ATG7: variants seen among roughly 807,000 people sequenced by gnomAD.
The protein encoded by ATG7 is ubiquitin-like modifier-activating enzyme ATG7.
A neutral mutation model predicts 82.4 loss-of-function variants in ATG7; 70 were observed. The observed-to-expected ratio is 0.85, with a 90% confidence interval of 0.70 to 1.04. The LOEUF is 1.04. Among genes scored for constraint, ATG7 ranks in the 50% least tolerant of loss-of-function variants. The pLI is 0.00. For missense variants in ATG7, 792 were observed against 864.3 expected, an observed-to-expected ratio of 0.92 and a Z score of 1.05; for synonymous variants, 287 against 313.0, an observed-to-expected ratio of 0.92 and a Z score of 0.88.
At chr3:11,295,811 A>C (rs1575229152) in intron 3 of ATG7, among the ~76,000 whole-genome samples, 1 of 124,298 alleles carries the variant, frequency 8.0e-6, no homozygotes, top group African/African-American at 3.2e-5. Context: ...TTTGAGATGG[A>C]GTTTCGCTCT....
intron 20 of ATG7, among the ~76,000 whole-genome samples, chr3:11,551,540 G>A (rs533118446): frequency 4.6e-5 from 7 of 152,242 alleles, no homozygotes; most frequent in Non-Finnish European, 8.8e-5. Flanking sequence ...CTGTACATCC[G>A]ATGTTAGGTT....
intron 20 of ATG7, among the ~76,000 whole-genome samples, chr3:11,459,892 G>A (rs140592252): frequency 2.5e-3 from 375 of 152,292 alleles, no homozygotes; most frequent in African/African-American, 8.3e-3. Context: ...TATTCTAACC[G>A]TATTAACATA....
the ATG7 span, among the ~76,000 whole-genome samples, chr3:11,563,479 C>T: frequency 6.6e-6 from 1 of 152,238 alleles, no homozygotes; most frequent in Non-Finnish European, 1.5e-5. Flanking sequence ...ACAATCCTCT[C>T]TTCTCATGTC....
chr3:11,312,118 T>C (rs543493516), intron 7 of ATG7, among the ~76,000 whole-genome samples: 42 of 152,070 alleles, frequency 2.8e-4, no homozygotes, highest in Non-Finnish European at 5.1e-4. Context: ...CATATCACTA[T>C]ACTAAAAAGA....
chr3:11,558,599 G>T, downstream of ATG7: 1 of 1,605,712 alleles, frequency 6.2e-7, no homozygotes. Context: ...GACCATGTGG[G>T]CAGAGGGGCT....
intron 20 of ATG7, among the ~76,000 whole-genome samples, chr3:11,430,701 G>GCT (rs1294099006): frequency 6.6e-6 from 1 of 152,174 alleles, no homozygotes; most frequent in African/African-American, 2.4e-5. Context: ...ACCCTCAAGG[G>GCT]CTCATAGTCT....
intron 20 of ATG7, among the ~76,000 whole-genome samples, chr3:11,436,239 C>T (rs1340412843): frequency 6.6e-6 from 1 of 152,144 alleles, no homozygotes; most frequent in African/African-American, 2.4e-5. Flanking sequence ...ACATCAATAG[C>T]CATTGGGACA....
intron 20 of ATG7, among the ~76,000 whole-genome samples, chr3:11,503,155 G>T (rs979259618): frequency 6.6e-6 from 1 of 152,182 alleles, no homozygotes; most frequent in African/African-American, 2.4e-5. Flanking sequence ...AAGAGCAGTT[G>T]TCGGGGGCTC....
At chr3:11,506,573 A>C (rs1559769550) in intron 20 of ATG7, among the ~76,000 whole-genome samples, 3 of 136,580 alleles carry the variant, frequency 2.2e-5, no homozygotes, top group South Asian at 2.5e-4. Flanking sequence ...AAAAAAAAAA[A>C]AAAAAAAAAA....
intron 20 of ATG7, among the ~76,000 whole-genome samples, chr3:11,463,213 A>C (rs1394563060): frequency 6.6e-6 from 1 of 150,390 alleles, no homozygotes; most frequent in Non-Finnish European, 1.5e-5. Context: ...CCATTGTCAT[A>C]CTCCCACTCT....
chr3:11,500,434 G>A (rs1200827176), intron 20 of ATG7, among the ~76,000 whole-genome samples: 1 of 148,376 alleles, frequency 6.7e-6, no homozygotes, highest in Non-Finnish European at 1.5e-5. Context: ...TAACATATCT[G>A]ATCACTATGC....
Position 11,369,693 on chromosome 3 carries a change from T to C in ATG7, c.1875+4959T>C, listed in dbSNP as rs2076866465. ...GTCCCAGAAGAAGAGTCAAGATTGCTGTTTCCCTGGAGGATAAATTATAAT... is the reference window on the plus strand; with the variant it reads ...GTCCCAGAAGAAGAGTCAAGATTGCCGTTTCCCTGGAGGATAAATTATAAT... On this transcript the variant is annotated intron_variant, in intron 18 of 20. Coordinates refer to ENST00000693202, the MANE Select transcript of ATG7 (RefSeq NM_001349232.2). Among the ~76,000 whole-genome samples the C allele has an allele frequency of 1.3e-5, 2 of 151,178 alleles. 1 individual carries two copies. The highest frequency in any genetic ancestry group is 4.9e-5 in the African/African-American group (2 of 40,964).
At chr3:11,334,257 A>G (rs952673291) in intron 11 of ATG7, among the ~76,000 whole-genome samples, 6 of 151,116 alleles carry the variant, frequency 4.0e-5, no homozygotes, top group African/African-American at 1.5e-4. Context: ...TATTATTATT[A>G]TTATTGAGGC....
intron 20 of ATG7, among the ~76,000 whole-genome samples, chr3:11,442,753 A>AAAAAAAAAAC (rs1559634182): frequency 7.0e-6 from 1 of 143,548 alleles, no homozygotes. Context: ...AAAAAAAAAA[A>AAAAAAAAAAC]AAAAAAAAAA....
Position 11,350,160 on chromosome 3 carries a change from G to A in ATG7, c.1284+2125G>A, listed in dbSNP as rs535507104. 1.2e-4 allele frequency among the ~76,000 whole-genome samples: 18 copies of A among 152,310 alleles called. 1 individual carries two copies. The South Asian group carries it at 1.2e-3, about 11-fold the overall frequency. On this transcript the variant is annotated intron_variant, in intron 14 of 20. Coordinates refer to ENST00000693202, the MANE Select transcript of ATG7 (RefSeq NM_001349232.2). ...CATTTTAAAAATCTTTGCTTTAGAA[G>A]CATTGTTAATGTTTTTGTCCATTTC...
chr3:11,503,937 G>T (rs1009830884), intron 20 of ATG7, among the ~76,000 whole-genome samples: 1 of 151,948 alleles, frequency 6.6e-6, no homozygotes, highest in African/African-American at 2.4e-5. Context: ...CAGGCTAGAA[G>T]CAATATTCAA....
At chr3:11,339,241 A>C (rs1953068697) in intron 11 of ATG7, among the ~76,000 whole-genome samples, 2 of 149,674 alleles carry the variant, frequency 1.3e-5, no homozygotes, top group Admixed American at 1.4e-4. Context: ...GCTTGCAGTG[A>C]GCCAAAATCG....
rs1006665983 is a variant in ATG7, at chr3:11,355,604, C to T, written c.1285-2814C>T. On this transcript the variant is annotated intron_variant, in intron 14 of 20. Transcript: ENST00000693202. ...AAGATCTATGAATGGCCATTGAACA[C>T]GTGAAAATGCTCAACGTCAATAGTC... 7.2e-5 allele frequency among the ~76,000 whole-genome samples: 11 copies of T among 152,120 alleles called. No individual in the cohort carries two copies. The East Asian group carries it at 9.7e-4, about 13-fold the overall frequency.
At chr3:11,485,144 G>C (rs182598331) in intron 20 of ATG7, among the ~76,000 whole-genome samples, 61 of 152,330 alleles carry the variant, frequency 4.0e-4, no homozygotes, top group African/African-American at 1.4e-3. Flanking sequence ...GGTTGAACTA[G>C]TTTGCAGCCC....
Sources: gnomAD v4.1 joint callset for allele counts (sites outside exome capture counted in the v4.1 genomes callset) on GRCh38, gnomAD v4.1.1 for gene constraint, MANE v1.5 for transcripts, NCBI Gene and HGNC (gene_info 2026-07-23, HGNC 2026-07-21) for gene names.